Variants in DCHS2 observed in about 807,000 individuals in gnomAD.
DCHS2 encodes protocadherin-23.
Under a neutral mutation model 182.4 loss-of-function variants are expected in DCHS2, and 142 were observed. The observed-to-expected ratio is 0.78, with a 90% confidence interval of 0.68 to 0.89. DCHS2 has a LOEUF of 0.89. DCHS2 is among the 40% of genes least tolerant of loss of function. DCHS2 has a pLI of 0.00. For missense variants in DCHS2, 4,319 were observed against 4,198.6 expected, an observed-to-expected ratio of 1.03 and a Z score of -0.79; for synonymous variants, 1,740 against 1,663.3, an observed-to-expected ratio of 1.05 and a Z score of -1.12.
Position 154,332,480 on chromosome 4 carries a change from G to A in DCHS2, c.3728C>T (p.Thr1243Ile). The A allele has an allele frequency of 1.9e-6, 3 of 1,609,998 alleles. No homozygotes were observed. Among genetic ancestry groups the A allele is most frequent in the Non-Finnish European group, 2.5e-6 (3 of 1,177,486 alleles). The change falls in exon 5 of 20, where the codon ACA becomes ATA. Residue 1243 changes from threonine (T) to isoleucine (I), a missense_variant and splice_region_variant. Transcript: ENST00000357232. ...DGKFFKMNPN[T>I]GELINWVALD... The stretch of plus-strand genomic sequence containing the variant: ...AGGTGGAAACTATGAAGTGCTACCT[G>A]TATTAGGATTCATCTTGAAGAATTT...
chr4:154,339,763 A>G (rs1728979220), intron 3 of DCHS2, among the ~76,000 whole-genome samples: 1 of 152,188 alleles, frequency 6.6e-6, no homozygotes, highest in South Asian at 2.1e-4. Flanking sequence ...TTTTAAAATC[A>G]TGGTATATCT....
chr4:154,262,690 A>G (rs1309373230), intron 14 of DCHS2, among the ~76,000 whole-genome samples: 1 of 152,226 alleles, frequency 6.6e-6, no homozygotes, highest in Non-Finnish European at 1.5e-5. Flanking sequence ...CATCAATTAT[A>G]TACTGTGTAC....
chr4:154,238,214 C>T (rs537428765), intron 19 of DCHS2, among the ~76,000 whole-genome samples: 5 of 152,008 alleles, frequency 3.3e-5, no homozygotes, highest in South Asian at 2.1e-4. Context: ...ATTCCTGATA[C>T]GTTTGTAATC....
At position 154,491,308 on chromosome 4, in the gene DCHS2, C is replaced by G; in HGVS notation, c.48G>C (p.Arg16=). 6.5e-7 allele frequency: 1 copy of G among 1,547,962 alleles called. No individual in the cohort carries two copies. Among genetic ancestry groups the G allele is most frequent in the Non-Finnish European group, 8.7e-7 (1 of 1,144,560 alleles). Residue 16 remains arginine (R), a synonymous_variant, in exon 1 of 20, where the codon CGG becomes CGC. Coordinates refer to ENST00000357232, the MANE Select transcript of DCHS2 (RefSeq NM_001358235.2). ...GCAGAAGGAGCTTCCCGACCGGAGCCCGCCGCTGCTGACGCCCTTCGCCCA... is the reference window on the plus strand; with the variant it reads ...GCAGAAGGAGCTTCCCGACCGGAGCGCGCCGCTGCTGACGCCCTTCGCCCA... ...RKMGEGRQQR[R]APVGKLLLLP...
Position 154,298,168 on chromosome 4 carries a change from G to A in DCHS2, c.6146C>T (p.Pro2049Leu), listed in dbSNP as rs368986589. Residue 2049 changes from proline (P) to leucine (L), a missense_variant, in exon 13 of 20, where the codon CCC becomes CTC. Pro to Leu is a moderately conservative substitution (Grantham distance 98, BLOSUM62 -3). Coordinates refer to ENST00000357232, the MANE Select transcript of DCHS2 (RefSeq NM_001358235.2). ...EQNPFDVFLS[P>L]ESPTNQTTVI... ...AGTTGTCTGGTTTGTAGGCGACTCG[G>A]GGGAAAGAAACACATCAAAAGGGTT... 4 of 1,613,938 alleles carry A rather than the reference G, an allele frequency of 2.5e-6. No individual in the cohort carries two copies. Among genetic ancestry groups the A allele is most frequent in the African/African-American group, 2.7e-5 (2 of 74,900 alleles).
At chr4:154,373,486 A>C (rs1347541803) in intron 2 of DCHS2, among the ~76,000 whole-genome samples, 1 of 152,204 alleles carries the variant, frequency 6.6e-6, no homozygotes, top group African/African-American at 2.4e-5. Flanking sequence ...ACATGAAAAC[A>C]CATATGTTGC....
At position 154,253,095 on chromosome 4, in the gene DCHS2, C is replaced by T. The variant is rs148918763; in HGVS notation, c.6941+2424G>A. Among the ~76,000 whole-genome samples, 367 of 84,918 alleles carry T rather than the reference C, an allele frequency of 4.3e-3. 2 individuals are homozygous for T. The highest frequency in any genetic ancestry group is 0.017 in the African/African-American group (341 of 20,628). The allele number at this position is 84,918 out of a possible 152,430, so 55.7% of individuals were successfully genotyped here. On this transcript the variant is annotated intron_variant, in intron 16 of 19. Transcript: ENST00000357232. ...AAGCCATGCCACAGCAGGTGTTGTG[C>T]GGGGTGGGGGGCGGGGTGTGGGGAG...
chr4:154,340,151 A>C (rs1264316616), intron 3 of DCHS2, among the ~76,000 whole-genome samples: 1 of 152,220 alleles, frequency 6.6e-6, no homozygotes, highest in Non-Finnish European at 1.5e-5. Flanking sequence ...GGACATTAAA[A>C]TGTGGGCCTC....
intron 1 of DCHS2, among the ~76,000 whole-genome samples, chr4:154,484,454 T>C (rs1728505449): frequency 6.6e-6 from 1 of 152,182 alleles, no homozygotes; most frequent in Non-Finnish European, 1.5e-5. Context: ...ATATCTCCCA[T>C]GTCTCCAAAA....
At chr4:154,310,518 C>T (rs1244803762) in intron 10 of DCHS2, among the ~76,000 whole-genome samples, 1 of 152,168 alleles carries the variant, frequency 6.6e-6, no homozygotes, top group African/African-American at 2.4e-5. Flanking sequence ...GCTCACCAAA[C>T]ACTCCCACTA....
chr4:154,304,845 GA>G lies in DCHS2; in HGVS notation c.5428del (p.Ser1810ProfsTer42). ...LVRDGGFPSL[S>X]STTTILCTVE... ...AGTGCAGAGGATTGTTGTGGTGCTG[GA>G]CAATGAAGGGAATCCCCCATCTCGT... On this transcript the variant is annotated frameshift_variant, in exon 12 of 20. Coordinates refer to ENST00000357232, the MANE Select transcript of DCHS2 (RefSeq NM_001358235.2). LOFTEE classifies it high-confidence loss of function. 2 of 1,613,184 alleles carry G rather than the reference GA, an allele frequency of 1.2e-6. No individual in the cohort carries two copies. Among genetic ancestry groups the G allele is most frequent in the Non-Finnish European group, 1.7e-6 (2 of 1,179,628 alleles).
chr4:154,378,231 A>G (rs1211541400), intron 1 of DCHS2, among the ~76,000 whole-genome samples: 1 of 152,124 alleles, frequency 6.6e-6, no homozygotes, highest in East Asian at 1.9e-4. Context: ...TGAAATTATG[A>G]AAGCACTTAA....
At chr4:154,264,224 C>T (rs996495886) in intron 14 of DCHS2, among the ~76,000 whole-genome samples, 1 of 152,086 alleles carries the variant, frequency 6.6e-6, no homozygotes, top group Non-Finnish European at 1.5e-5. Context: ...AGTCTACAAG[C>T]ACTAAAGTCA....
In DCHS2 at chr4:154,297,783, A is replaced by G. The variant is rs576779816; in HGVS notation, c.6463+68T>C. On this transcript the variant is annotated intron_variant, in intron 13 of 19. Transcript: ENST00000357232. ...GAATGCGCAATGGCACTCTTGTAGT[A>G]TAATCCGTACTCTTAAGCATTTTGT... 8 of 1,533,208 alleles carry G rather than the reference A, an allele frequency of 5.2e-6. No individual in the cohort carries two copies. The Admixed American group carries it at 1.5e-4, about 29-fold the overall frequency. 95.0% of individuals were successfully genotyped at this position (1,533,208 alleles called of 1,614,324 possible).
At chr4:154,253,651 T>G (rs1335831647) in intron 16 of DCHS2, among the ~76,000 whole-genome samples, 3 of 152,214 alleles carry the variant, frequency 2.0e-5, no homozygotes, top group Non-Finnish European at 4.4e-5. Flanking sequence ...CCAATAGCTA[T>G]TATGCTAAAA....
In DCHS2 at chr4:154,491,366, G is replaced by C. The variant is rs1373661565; in HGVS notation, c.-11C>G. 2.1e-5 allele frequency: 31 copies of C among 1,504,172 alleles called. No individual in the cohort carries two copies. Among genetic ancestry groups the C allele is most frequent in the Middle Eastern group, 3.9e-4 (2 of 5,108 alleles). 93.2% of individuals were successfully genotyped at this position (1,504,172 alleles called of 1,614,324 possible). Reference sequence around the variant, plus strand: ...CCCACAAGGGCTCATTTCTCCTCCAGCTCCTTGGGAAGGCTCTCGGGTAAC... The same window carrying C: ...CCCACAAGGGCTCATTTCTCCTCCACCTCCTTGGGAAGGCTCTCGGGTAAC... On this transcript the variant is annotated 5_prime_UTR_variant, in exon 1 of 20. Coordinates refer to ENST00000357232, the MANE Select transcript of DCHS2 (RefSeq NM_001358235.2).
Position 154,297,873 on chromosome 4 carries a change from G to A in DCHS2, c.6441C>T (p.Leu2147=), listed in dbSNP as rs760407497. The change falls in exon 13 of 20, where the codon CTC becomes CTT. Residue 2147 remains leucine, a synonymous_variant. Coordinates refer to ENST00000357232, the MANE Select transcript of DCHS2 (RefSeq NM_001358235.2). ...ISFSHHLYKG[L]VTENCEAGTS... ...CACCTGCCTCACAATTTTCAGTCAC[G>A]AGCCCTTTATACAGGTGGTGGCTGA... 22 of 1,609,372 alleles carry A rather than the reference G, an allele frequency of 1.4e-5. No individual in the cohort carries two copies. The highest frequency in any genetic ancestry group is 2.2e-5 in the East Asian group (1 of 44,754).
intron 1 of DCHS2, among the ~76,000 whole-genome samples, chr4:154,481,471 G>T (rs1735917964): frequency 1.3e-5 from 2 of 151,984 alleles, no homozygotes; most frequent in African/African-American, 4.8e-5. Context: ...TGCCCAGGCT[G>T]GTCTCAAACT....
In DCHS2 at chr4:154,386,986, G is replaced by C. The variant is rs896288754; in HGVS notation, c.2053-9542C>G. On this transcript the variant is annotated intron_variant, in intron 1 of 19. Coordinates refer to ENST00000357232, the MANE Select transcript of DCHS2 (RefSeq NM_001358235.2). ...TAAAATCAGCTAGGCAAAAAGAAAA[G>C]AAAACTATCTCAAAGCATGTGGAAC... Among the ~76,000 whole-genome samples the C allele has an allele frequency of 1.1e-4, 16 of 152,174 alleles. No individual in the cohort carries two copies. In the East Asian group the frequency reaches 2.3e-3, roughly 22 times the overall value.
Sources: gnomAD v4.1 joint callset for allele counts (sites outside exome capture counted in the v4.1 genomes callset) on GRCh38, gnomAD v4.1.1 for gene constraint, MANE v1.5 for transcripts, NCBI Gene and HGNC (gene_info 2026-07-23, HGNC 2026-07-21) for gene names.